Variants in DCAF17 observed in about 807,000 individuals in gnomAD.
DCAF17 encodes the protein DDB1 and CUL4 associated factor 17.
Under a neutral mutation model 66.0 loss-of-function variants are expected in DCAF17, and 48 were observed. The ratio of observed to expected loss-of-function variants is 0.73; its 90% confidence interval spans 0.58 to 0.92. The LOEUF (loss-of-function observed/expected upper bound fraction) is 0.92, where lower values mean the gene tolerates loss of function less well. DCAF17 is among the 40% of genes least tolerant of loss of function. The pLI is 0.00. For synonymous variants in DCAF17, 206 were observed against 214.6 expected, an observed-to-expected ratio of 0.96 and a Z score of 0.35; for missense variants, 562 against 622.8, an observed-to-expected ratio of 0.90 and a Z score of 1.04.
intron 11 of DCAF17, 118 bp downstream of exon 11, chr2:171,477,068 G>A: frequency 1.3e-6 from 1 of 770,768 alleles, no homozygotes; most frequent in South Asian, 1.6e-5. Flanking sequence ...CCCTATAAAA[G>A]TCTGTACATT....
intron 8 of DCAF17, among the ~76,000 whole-genome samples, chr2:171,467,368 G>A (rs1695965557): frequency 1.3e-5 from 2 of 152,112 alleles, no homozygotes; most frequent in African/African-American, 4.8e-5. Context: ...CTGGTCAACA[G>A]TAGGCTATTA....
chr2:171,446,941 C>T (rs1295049943), intron 3 of DCAF17, among the ~76,000 whole-genome samples: 1 of 151,888 alleles, frequency 6.6e-6, no homozygotes, highest in Non-Finnish European at 1.5e-5. Flanking sequence ...ATGGTGTGAC[C>T]AATATGAAGG....
At position 171,483,718 on chromosome 2, in the gene DCAF17, T is replaced by C; in HGVS notation, c.*2604T>C. 2.2e-6 allele frequency: 1 copy of C among 454,100 alleles called. No homozygotes were observed. The highest frequency in any genetic ancestry group is 4.4e-6 in the Non-Finnish European group (1 of 226,790). The allele number at this position is 454,100 out of a possible 1,614,324, so 28.1% of individuals were successfully genotyped here. On this transcript the variant is annotated 3_prime_UTR_variant, in exon 14 of 14. Coordinates refer to ENST00000375255, the MANE Select transcript of DCAF17 (RefSeq NM_025000.4). ...TCACTGTGATACAGTATAAGTAAAG[T>C]GGGTTGTCTCATTTAATATTCAGAA... is the stretch of plus-strand genomic sequence containing the variant.
intron 2 of DCAF17, among the ~76,000 whole-genome samples, chr2:171,436,503 G>C (rs998898633): frequency 6.6e-6 from 1 of 152,180 alleles, no homozygotes; most frequent in Non-Finnish European, 1.5e-5. Context: ...GTGACTCACA[G>C]CATCTCACTG....
At chr2:171,477,113 A>G (rs540345118) in intron 11 of DCAF17, among the ~76,000 whole-genome samples, 163 bp downstream of exon 11, 2 of 152,350 alleles carry the variant, frequency 1.3e-5, no homozygotes, top group South Asian at 4.1e-4. Flanking sequence ...AGCCCCATGT[A>G]CATTTCAGAT....
rs1047178470 is a variant in DCAF17 at position 171,482,782 on chromosome 2, G to C, written c.*1668G>C. 6 of 453,610 alleles carry C rather than the reference G, an allele frequency of 1.3e-5. No homozygotes were observed. Among genetic ancestry groups the C allele is most frequent in the African/African-American group, 1.2e-4 (6 of 49,964 alleles). 28.1% of individuals were successfully genotyped at this position (453,610 alleles called of 1,614,324 possible). A position where few individuals can be genotyped will look rare whatever the true frequency, so the allele number is the denominator to read the frequency against. On this transcript the variant is annotated 3_prime_UTR_variant, in exon 14 of 14. Transcript: ENST00000375255. The stretch of plus-strand genomic sequence containing the variant: ...TCTGAAAGGCATTTGAGAAATAGCT[G>C]AATTCCTGGCTGCTTTTTTGCTGGG...
At chr2:171,452,778 T>G (rs909471517) in intron 5 of DCAF17, among the ~76,000 whole-genome samples, 1 of 152,252 alleles carries the variant, frequency 6.6e-6, no homozygotes, top group African/African-American at 2.4e-5. Context: ...TCAAATGATA[T>G]GAGCACGATA....
rs1346922357 is a variant in DCAF17, at chr2:171,481,780, T to G, written c.*666T>G. 1 of 453,504 alleles carries G rather than the reference T, an allele frequency of 2.2e-6. No individual in the cohort carries two copies. Among genetic ancestry groups the G allele is most frequent in the East Asian group, 6.9e-5 (1 of 14,400 alleles). 28.1% of individuals were successfully genotyped at this position (453,504 alleles called of 1,614,324 possible). On this transcript the variant is annotated 3_prime_UTR_variant, in exon 14 of 14. Transcript: ENST00000375255. ...ATATTTGTGTTTCTATATAGGCTAA[T>G]GTAAAAGATTCCAAGCAAACCTTAA... is the stretch of plus-strand genomic sequence containing the variant.
At chr2:171,468,833 A>G in intron 8 of DCAF17, 55 bp from the exon 9 acceptor site, 1 of 1,610,860 alleles carries the variant, frequency 6.2e-7, no homozygotes, top group East Asian at 2.2e-5. Context: ...GTTAATGAAT[A>G]GTCCAGAGCC....
intron 8 of DCAF17, among the ~76,000 whole-genome samples, chr2:171,467,614 G>A (rs1334326354): frequency 1.3e-5 from 2 of 148,856 alleles, no homozygotes; most frequent in Admixed American, 6.7e-5. Flanking sequence ...AGGAGGCTGT[G>A]TAATACTTAG....
chr2:171,480,127 G>C lies in DCAF17; in HGVS notation c.1356G>C (p.Leu452=). 1.9e-6 allele frequency: 3 copies of C among 1,613,830 alleles called. No homozygotes were observed. Among genetic ancestry groups the C allele is most frequent in the Non-Finnish European group, 1.7e-6 (2 of 1,179,804 alleles). Residue 452 remains leucine, a synonymous_variant, in exon 13 of 14, where the codon CTG becomes CTC. Transcript: ENST00000375255. ...TAGATGCTGAAGGAAAAGCTCACCT[G>C]GATTTCCACTGTAATGAATATGGAA... The part of the protein sequence containing the change: ...TQIDAEGKAH[L]DFHCNEYGTL...
chr2:171,458,258 C>A, intron 7 of DCAF17, 114 bp from the exon 8 acceptor site: 1 of 1,064,722 alleles, frequency 9.4e-7, no homozygotes, highest in Non-Finnish European at 1.4e-6. Context: ...AACAGAAAGG[C>A]CATTGGAAAA....
chr2:171,480,023 C>G lies in DCAF17; in HGVS notation c.1267-15C>G, dbSNP rs1159852789. On this transcript the variant is annotated splice_polypyrimidine_tract_variant and intron_variant, in intron 12 of 13. Coordinates refer to ENST00000375255, the MANE Select transcript of DCAF17 (RefSeq NM_025000.4). ...TTTTGCCCCTTTCCCTCTATTTTAT[C>G]TATCTATCCCAAAGACTTTCAAAAT... is the stretch of plus-strand genomic sequence containing the variant. The G allele has an allele frequency of 6.2e-7, 1 of 1,612,602 alleles. No homozygotes were observed. Among genetic ancestry groups the G allele is most frequent in the Admixed American group, 1.7e-5 (1 of 59,986 alleles).
rs1475632668 is a variant in DCAF17 at position 171,449,511 on chromosome 2, A to G, written c.459-368A>G. On this transcript the variant is annotated intron_variant, in intron 4 of 13. Transcript: ENST00000375255. ...TGTTATTTTAACTATTAGTTTTATA[A>G]ATTAGATGTAAATGGAGTGAATATG... 3.3e-5 allele frequency among the ~76,000 whole-genome samples: 5 copies of G among 152,216 alleles called. 1 individual carries two copies. The South Asian group carries it at 1.0e-3, about 31-fold the overall frequency.
Position 171,468,913 on chromosome 2 carries a change from G to A in DCAF17, c.864G>A (p.Val288=), listed in dbSNP as rs771178201. The change falls in exon 9 of 14, where the codon GTG becomes GTA. Residue 288 remains valine (V), a synonymous_variant. Transcript: ENST00000375255. ...ACATGCCACCACTGCTCTTTGAGGT[G>A]TCATCCCTGGAGAATGCTTTTCAGA... The part of the protein sequence containing the change: ...ITDMPPLLFE[V]SSLENAFQIG... The A allele has an allele frequency of 1.7e-5, 28 of 1,613,970 alleles. No individual in the cohort carries two copies. The highest frequency in any genetic ancestry group is 2.3e-5 in the Non-Finnish European group (27 of 1,180,004).
At chr2:171,449,194 G>A (rs1694810309) in intron 4 of DCAF17, among the ~76,000 whole-genome samples, 1 of 152,120 alleles carries the variant, frequency 6.6e-6, no homozygotes, top group African/African-American at 2.4e-5. Context: ...TTTTGGTAGA[G>A]CTGAGGTTTC....
chr2:171,439,374 A>G (rs973333423), intron 2 of DCAF17, among the ~76,000 whole-genome samples: 1 of 151,664 alleles, frequency 6.6e-6, no homozygotes, highest in African/African-American at 2.4e-5. Context: ...TTATTGCCCC[A>G]GCTTGGGAAG....
At chr2:171,476,698 T>C (rs1373397146) in intron 10 of DCAF17, among the ~76,000 whole-genome samples, 162 bp from the exon 11 acceptor site, 1 of 152,232 alleles carries the variant, frequency 6.6e-6, no homozygotes, top group Non-Finnish European at 1.5e-5. Context: ...AAGGAGTTCA[T>C]GGACATTTAG....
chr2:171,471,538 G>C (rs977566902), intron 9 of DCAF17, among the ~76,000 whole-genome samples: 2 of 152,010 alleles, frequency 1.3e-5, no homozygotes, highest in South Asian at 2.1e-4. Flanking sequence ...ATACCATCAT[G>C]GACACATTAA....
Sources: gnomAD v4.1 joint callset for allele counts (sites outside exome capture counted in the v4.1 genomes callset) on GRCh38, gnomAD v4.1.1 for gene constraint, MANE v1.5 for transcripts, NCBI Gene and HGNC (gene_info 2026-07-23, HGNC 2026-07-21) for gene names.